Variants in GAN observed in about 807,000 individuals in gnomAD.
GAN encodes the protein gigaxonin.
In GAN, 48 loss-of-function variants were observed where a neutral mutation model predicts 71.3. The observed-to-expected ratio is 0.67, with a 90% CI of 0.53 to 0.86. The LOEUF (loss-of-function observed/expected upper bound fraction) is 0.86. GAN is among the 40% of genes least tolerant of loss of function. The pLI is 0.00. For missense variants in GAN, 928 were observed against 770.1 expected (o/e 1.21, Z -2.43); for synonymous variants, 386 against 276.8 (o/e 1.39, Z -3.92).
rs1288829439 is a variant in GAN, at chr16:81,379,349, A to C, written c.*1753A>C. The C allele has an allele frequency of 6.6e-6, 1 of 151,910 alleles. No individual in the cohort carries two copies. Among genetic ancestry groups the C allele is most frequent in the African/African-American group, 2.4e-5 (1 of 41,322 alleles). The allele number at this position is 151,910 out of a possible 1,614,324, so 9.4% of individuals were successfully genotyped here. On this transcript the variant is annotated 3_prime_UTR_variant, in exon 11 of 11. Transcript: ENST00000648994. The stretch of plus-strand genomic sequence containing the variant: ...AGAGAGTGTTGAGTGTGGTACATTA[A>C]CTCTCCATTTTAGCCAGAAGATACC...
chr16:81,340,188 C>G (rs769246096), intron 1 of GAN, among the ~76,000 whole-genome samples: 2 of 152,162 alleles, frequency 1.3e-5, no homozygotes, highest in East Asian at 1.9e-4. Flanking sequence ...GTCCTCTCAC[C>G]TCAGCCTTAC....
chr16:81,332,432 C>G (rs1427819733), intron 1 of GAN, among the ~76,000 whole-genome samples: 1 of 152,192 alleles, frequency 6.6e-6, no homozygotes, highest in African/African-American at 2.4e-5. Context: ...ACTAGAATGA[C>G]CCAGTTTGTA....
Position 81,352,726 on chromosome 16 carries a change from C to T in GAN, c.282+1029C>T, listed in dbSNP as rs113595380. ...GGTTTGATTTCATGCTTTCTCTCTT[C>T]TCTCAGCACTAGTGGGTGGGTGTGT... On this transcript the variant is annotated intron_variant, in intron 2 of 10. Transcript: ENST00000648994. Among the ~76,000 whole-genome samples the T allele has an allele frequency of 2.8e-3, 424 of 152,304 alleles. 3 individuals are homozygous for T. Among genetic ancestry groups the T allele is most frequent in the African/African-American group, 9.7e-3 (403 of 41,548 alleles).
intron 1 of GAN, among the ~76,000 whole-genome samples, chr16:81,337,870 G>C: frequency 6.6e-6 from 1 of 152,196 alleles, no homozygotes; most frequent in East Asian, 1.9e-4. Flanking sequence ...TAGACCACAT[G>C]ATGTGCAAGA....
In GAN at chr16:81,315,063, G is replaced by A. The variant is rs752302389; in HGVS notation, c.-51G>A. 1.1e-5 allele frequency: 16 copies of A among 1,404,138 alleles called. No individual in the cohort carries two copies. Among genetic ancestry groups the A allele is most frequent in the Non-Finnish European group, 1.3e-5 (14 of 1,069,732 alleles). 87.0% of individuals were successfully genotyped at this position (1,404,138 alleles called of 1,614,324 possible). A position where few individuals can be genotyped will look rare whatever the true frequency, so the allele number is the denominator to read the frequency against. On this transcript the variant is annotated 5_prime_UTR_variant, in exon 1 of 11. Transcript: ENST00000648994. ...AGGACTCGGGCCGCTCGAGGGGTCCGGCCGGACGGTGTCGGGAGCCGGACC... is the reference window on the plus strand; with the variant it reads ...AGGACTCGGGCCGCTCGAGGGGTCCAGCCGGACGGTGTCGGGAGCCGGACC...
chr16:81,365,534 G>A (rs564079455), intron 9 of GAN, 56 bp downstream of exon 9: 63 of 1,548,588 alleles, frequency 4.1e-5, no homozygotes, highest in South Asian at 2.2e-4. Context: ...GCTTTCAGTC[G>A]TATTTTAGCT....
At chr16:81,370,451 G>A (rs1234232554) in intron 9 of GAN, among the ~76,000 whole-genome samples, 2 of 152,216 alleles carry the variant, frequency 1.3e-5, no homozygotes, top group Admixed American at 1.3e-4. Context: ...GCTAAAAGTG[G>A]GAAAAGAGGA....
intron 1 of GAN, among the ~76,000 whole-genome samples, chr16:81,350,083 T>C (rs1396380490): frequency 6.6e-6 from 1 of 152,196 alleles, no homozygotes; most frequent in Non-Finnish European, 1.5e-5. Flanking sequence ...GAAGTCTTTT[T>C]TTTTTAAGTT....
chr16:81,365,280 A>G, intron 8 of GAN, 70 bp from the exon 9 acceptor site: 1 of 1,603,676 alleles, frequency 6.2e-7, no homozygotes, highest in Non-Finnish European at 8.5e-7. Flanking sequence ...AAACCAGCAT[A>G]AGAGGAACGC....
In GAN at chr16:81,359,411, T is replaced by G. The variant is rs200091943; in HGVS notation, c.973+1480T>G. Among the ~76,000 whole-genome samples the G allele has an allele frequency of 1.3e-3, 191 of 151,440 alleles. 2 individuals are homozygous for G. The East Asian group carries it at 0.033, about 26-fold the overall frequency. Reference sequence around the variant, plus strand: ...CGTTTGTCCAGGCTGCATTGTTTTTTTTTTTTTTTTTGCCTTTTTAAAAAT... The same window carrying G: ...CGTTTGTCCAGGCTGCATTGTTTTTGTTTTTTTTTTTGCCTTTTTAAAAAT... On this transcript the variant is annotated intron_variant, in intron 5 of 10. Coordinates refer to ENST00000648994, the MANE Select transcript of GAN (RefSeq NM_022041.4).
At chr16:81,368,768 G>A (rs1476643519) in intron 9 of GAN, among the ~76,000 whole-genome samples, 1 of 152,156 alleles carries the variant, frequency 6.6e-6, no homozygotes. Context: ...AGTGTCATTA[G>A]CCTCTGGCCA....
At chr16:81,352,618 C>T (rs981032150) in intron 2 of GAN, among the ~76,000 whole-genome samples, 1 of 152,106 alleles carries the variant, frequency 6.6e-6, no homozygotes, top group African/African-American at 2.4e-5. Context: ...TCTAAGTATT[C>T]TGAATGTATT....
At chr16:81,365,274 C>A (rs1597407227) in intron 8 of GAN, 76 bp from the exon 9 acceptor site, 2 of 1,598,550 alleles carry the variant, frequency 1.3e-6, no homozygotes, top group East Asian at 4.5e-5. Flanking sequence ...AGAGTTAAAC[C>A]AGCATAAGAG....
chr16:81,341,453 C>G (rs952347195), intron 1 of GAN, among the ~76,000 whole-genome samples: 3 of 152,244 alleles, frequency 2.0e-5, no homozygotes, highest in African/African-American at 7.2e-5. Flanking sequence ...AGAAACCCTA[C>G]AAACCAGAAG....
intron 9 of GAN, among the ~76,000 whole-genome samples, chr16:81,368,696 T>A (rs1175257609): frequency 1.3e-5 from 2 of 152,196 alleles, no homozygotes; most frequent in African/African-American, 4.8e-5. Flanking sequence ...TTGGTAGCAT[T>A]TTTCACATTT....
Position 81,354,461 on chromosome 16 carries a change from A to C in GAN, c.339A>C (p.Leu113=), listed in dbSNP as rs1403123184. Residue 113 remains leucine, a synonymous_variant, in exon 3 of 11, where the codon CTA becomes CTC. Coordinates refer to ENST00000648994, the MANE Select transcript of GAN (RefSeq NM_022041.4). ...TTGTTCAGGCAGCTGACCTGCTGCT[A>C]CTGACGGACCTTAAAACCCTGTGCT... ...QDVVQAADLL[L]LTDLKTLCCE... 1.9e-6 allele frequency: 3 copies of C among 1,614,094 alleles called. No homozygotes were observed. Among genetic ancestry groups the C allele is most frequent in the South Asian group, 2.2e-5 (2 of 91,078 alleles).
At chr16:81,368,883 C>G (rs1260321627) in intron 9 of GAN, among the ~76,000 whole-genome samples, 2 of 152,138 alleles carry the variant, frequency 1.3e-5, no homozygotes, top group Admixed American at 1.3e-4. Context: ...TTTGATTGCC[C>G]TTCTCAGAAT....
intron 5 of GAN, among the ~76,000 whole-genome samples, chr16:81,361,446 A>T (rs1263779375): frequency 6.6e-6 from 1 of 152,190 alleles, no homozygotes; most frequent in Admixed American, 6.5e-5. Flanking sequence ...CTGAGTACGA[A>T]TTCTGGTTGG....
intron 7 of GAN, among the ~76,000 whole-genome samples, chr16:81,364,410 T>C (rs1219759512): frequency 2.0e-5 from 3 of 152,156 alleles, no homozygotes. Flanking sequence ...GGACTACAGG[T>C]GTGCACCACC....
Sources: allele counts gnomAD v4.1 joint callset (sites outside exome capture counted in the v4.1 genomes callset), GRCh38; gene constraint gnomAD v4.1.1; transcripts MANE v1.5; gene names NCBI Gene and HGNC (gene_info 2026-07-23, HGNC 2026-07-21).